The following ZNF529 variants were observed in gnomAD, a reference collection of about 807,000 sequenced individuals.
The protein encoded by ZNF529 is zinc finger protein 529.
Under a neutral mutation model 10.1 loss-of-function variants are expected in ZNF529, and 11 were observed. The observed-to-expected ratio is 1.09, with a 90% CI of 0.69 to 1.81. The LOEUF is 1.81. ZNF529 is among the 40% of genes most tolerant of loss of function. The pLI, the probability that ZNF529 is intolerant of heterozygous loss-of-function variation, is 0.00. For missense variants in ZNF529, 624 were observed against 666.8 expected, an observed-to-expected ratio of 0.94 and a Z score of 0.71; for synonymous variants, 204 against 215.7, an observed-to-expected ratio of 0.95 and a Z score of 0.47.
upstream of ZNF529, chr19:36,577,668 A>G (rs2036359498): frequency 1.3e-5 from 2 of 152,826 alleles, no homozygotes; most frequent in Admixed American, 1.3e-4. Flanking sequence ...TTTTCTGTAG[A>G]GACAGGGTCT....
intron 2 of ZNF529, among the ~76,000 whole-genome samples, chr19:36,560,150 G>A (rs879767960): frequency 4.0e-5 from 6 of 151,316 alleles, no homozygotes; most frequent in African/African-American, 1.2e-4. Context: ...CCAGTTACTC[G>A]GGAGGCTGAG....
At position 36,547,028 on chromosome 19, in the gene ZNF529, T is replaced by A. The variant is rs1348988868; in HGVS notation, c.1530A>T (p.Ala510=). 6.2e-7 allele frequency: 1 copy of A among 1,614,038 alleles called. No individual in the cohort carries two copies. Among genetic ancestry groups the A allele is most frequent in the Admixed American group, 1.7e-5 (1 of 60,006 alleles). Residue 510 remains alanine (A), a synonymous_variant, in exon 5 of 5, where the codon GCA becomes GCT. Transcript: ENST00000591340. ...HTGEKPYECK[A]CGKAFRHSSS... is the part of the protein sequence containing the mutation. ...AACTATGTCTAAAGGCCTTCCCACA[T>A]GCCTTGCATTCATAGGGTTTTTCTC...
At chr19:36,596,878 T>A (rs3096627) in intron 1 of ZNF529, among the ~76,000 whole-genome samples, 49,445 of 151,918 alleles carry the variant, frequency 0.33, 8,411 homozygotes, top group South Asian at 0.42. Context: ...TAAAAGCATA[T>A]GGTTGATTTT....
chr19:36,546,677 C>T lies in ZNF529; in HGVS notation c.*189G>A, dbSNP rs531109591. 136 of 515,014 alleles carry T rather than the reference C, an allele frequency of 2.6e-4. No homozygotes were observed. The highest frequency in any genetic ancestry group is 3.9e-4 in the Non-Finnish European group (124 of 317,918). 31.9% of individuals were successfully genotyped at this position (515,014 alleles called of 1,614,324 possible). ...CATAAAAAGGAGAAATATTTGGCAACATCTAACAAAGCTATAAGTATATAT... is the reference window on the plus strand; with the variant it reads ...CATAAAAAGGAGAAATATTTGGCAATATCTAACAAAGCTATAAGTATATAT... On this transcript the variant is annotated 3_prime_UTR_variant, in exon 5 of 5. Transcript: ENST00000591340.
intron 1 of ZNF529, among the ~76,000 whole-genome samples, chr19:36,590,608 A>T (rs1247118031): frequency 6.6e-6 from 1 of 152,154 alleles, no homozygotes; most frequent in Non-Finnish European, 1.5e-5. Context: ...CCAAACTAAA[A>T]GTGAATTCTC....
At position 36,592,104 on chromosome 19, in the gene ZNF529, G is replaced by A. The variant is rs138064275; in HGVS notation, c.-127-2403C>T. Reference sequence around the variant, plus strand: ...AGACTGGCCAACATGGTGAAACCCTGTCTCTACTAAAAATACAGAAAAAAA... The same window carrying A: ...AGACTGGCCAACATGGTGAAACCCTATCTCTACTAAAAATACAGAAAAAAA... On this transcript the variant is annotated intron_variant, in intron 1 of 4. Coordinates refer to the ZNF529 transcript ENST00000585960. 1.4e-4 allele frequency among the ~76,000 whole-genome samples: 21 copies of A among 150,734 alleles called. No individual in the cohort carries two copies. In the East Asian group the frequency reaches 3.9e-3, roughly 28 times the overall value.
intron 2 of ZNF529, among the ~76,000 whole-genome samples, chr19:36,587,967 G>A (rs1389585201): frequency 2.6e-5 from 4 of 152,146 alleles, no homozygotes; most frequent in Admixed American, 1.3e-4. Flanking sequence ...CGCCAACATG[G>A]TGAAACCCTT....
intron 2 of ZNF529, among the ~76,000 whole-genome samples, chr19:36,579,943 C>T (rs1233114075): frequency 6.6e-6 from 1 of 152,168 alleles, no homozygotes; most frequent in Non-Finnish European, 1.5e-5. Context: ...AGTGACTCTT[C>T]ACTTAAAACG....
Position 36,587,300 on chromosome 19 carries a change from C to T in ZNF529, c.-41+2315G>A, listed in dbSNP as rs1180745993. On this transcript the variant is annotated intron_variant, in intron 2 of 4. Transcript: ENST00000585960. ...AAAAAAAAATCCCATTAGGGAAATG[C>T]ACAACAAAACAATAATGAGATACTA... 18 of 150,144 alleles carry T rather than the reference C, an allele frequency of 1.2e-4. 1 individual carries two copies. The East Asian group carries it at 3.5e-3, about 29-fold the overall frequency. The allele number at this position is 150,144 out of a possible 1,614,324, so 9.3% of individuals were successfully genotyped here.
Position 36,573,217 on chromosome 19 carries a change from G to A in ZNF529, c.-124C>T. On this transcript the variant is annotated 5_prime_UTR_variant, in exon 1 of 5. Transcript: ENST00000591340. ...TGGACCGACCTCGCCCGGCAGCGCG[G>A]GGCCACCTCACCGCGAGCTCCTCCC... 3.1e-6 allele frequency: 1 copy of A among 325,858 alleles called. No individual in the cohort carries two copies. The highest frequency in any genetic ancestry group is 2.3e-5 in the South Asian group (1 of 42,874). 20.2% of individuals were successfully genotyped at this position (325,858 alleles called of 1,614,324 possible).
At chr19:36,553,885 CA>C (rs1436988317) in intron 4 of ZNF529, among the ~76,000 whole-genome samples, 1 of 152,144 alleles carries the variant, frequency 6.6e-6, no homozygotes, top group Admixed American at 6.5e-5. Flanking sequence ...GTTTCATGCA[CA>C]AAACTATTAA....
At chr19:36,566,596 G>T (rs113572793) in intron 2 of ZNF529, among the ~76,000 whole-genome samples, 4 of 151,488 alleles carry the variant, frequency 2.6e-5, no homozygotes, top group African/African-American at 9.7e-5. Flanking sequence ...GGTGGGGGGC[G>T]GGGGTGTGTG....
chr19:36,595,169 G>C lies in ZNF529; in HGVS notation c.-127-5468C>G, dbSNP rs916878102. Among the ~76,000 whole-genome samples the C allele has an allele frequency of 2.0e-5, 3 of 152,218 alleles. No homozygotes were observed. The East Asian group carries it at 5.8e-4, about 29-fold the overall frequency. On this transcript the variant is annotated intron_variant, in intron 1 of 4. Coordinates refer to the ZNF529 transcript ENST00000585960. ...TGGGATTACAGGCGTGAGCCACCAT[G>C]CCCGGCCTCCTATTTCTCAATCACA...
upstream of ZNF529, chr19:36,578,059 A>ATTTTTTTTTTTTTTTT (rs755942233): frequency 1.1e-5 from 1 of 89,284 alleles, no homozygotes; most frequent in Non-Finnish European, 2.1e-5. Flanking sequence ...TGTGGGGGAG[A>ATTTTTTTTTTTTTTTT]TTTTTTTTTT....
At chr19:36,561,503 C>T in intron 2 of ZNF529, among the ~76,000 whole-genome samples, 1 of 152,226 alleles carries the variant, frequency 6.6e-6, no homozygotes, top group East Asian at 1.9e-4. Flanking sequence ...TTGTCTCAGC[C>T]TCCCAAATAG....
intron 2 of ZNF529, among the ~76,000 whole-genome samples, chr19:36,584,304 T>C (rs2036531815): frequency 6.6e-6 from 1 of 152,056 alleles, no homozygotes; most frequent in African/African-American, 2.4e-5. Context: ...CTGGAAGAAT[T>C]TCTAAAGGAT....
At chr19:36,577,211 T>A (rs1318105616), upstream of ZNF529, 1 of 453,076 alleles carries the variant, frequency 2.2e-6, no homozygotes, top group Non-Finnish European at 4.4e-6. Context: ...CGGCCCTCCT[T>A]GACCTCCCAA....
intron 2 of ZNF529, among the ~76,000 whole-genome samples, chr19:36,568,812 C>T (rs1388883847): frequency 2.6e-5 from 4 of 152,094 alleles, no homozygotes; most frequent in African/African-American, 2.4e-5. Context: ...AGATCTCAGG[C>T]AGGTAAAGGC....
chr19:36,601,584 CATA>C (rs1427690112), intron 1 of ZNF529, among the ~76,000 whole-genome samples: 2 of 152,030 alleles, frequency 1.3e-5, no homozygotes, highest in Non-Finnish European at 2.9e-5. Context: ...AGAATATCCA[CATA>C]ATAAGGTTTT....
Sources: gnomAD v4.1 joint callset for allele counts (sites outside exome capture counted in the v4.1 genomes callset) on GRCh38, gnomAD v4.1.1 for gene constraint, MANE v1.5 for transcripts, NCBI Gene and HGNC (gene_info 2026-07-23, HGNC 2026-07-21) for gene names.